Variants in CLVS1 observed in about 807,000 individuals in gnomAD.
The protein encoded by CLVS1 is clavesin 1, also known as clavesin-1.
A neutral mutation model predicts 33.1 loss-of-function variants in CLVS1; 10 were observed. The observed-to-expected ratio is 0.30, with a 90% CI of 0.19 to 0.51. The LOEUF is 0.51. Among genes scored for constraint, CLVS1 ranks in the 20% least tolerant of loss-of-function variants. The pLI is 0.97. For missense variants in CLVS1, 343 were observed against 433.4 expected (o/e 0.79, Z 1.85); for synonymous variants, 163 against 166.1 (o/e 0.98, Z 0.14).
At chr8:61,210,162 G>A (rs1021455284) in intron 2 of CLVS1, among the ~76,000 whole-genome samples, 1 of 152,228 alleles carries the variant, frequency 6.6e-6, no homozygotes, top group Non-Finnish European at 1.5e-5. Flanking sequence ...ATGTCAAGGT[G>A]ATAGTATTAA....
chr8:61,006,299 G>A, the CLVS1 span, among the ~76,000 whole-genome samples: 3 of 152,182 alleles, frequency 2.0e-5, no homozygotes, highest in Non-Finnish European at 2.9e-5. Context: ...TGGTGTGGGA[G>A]GGAGGGAGCC....
intron 2 of CLVS1, among the ~76,000 whole-genome samples, chr8:61,306,816 A>G (rs1290379563): frequency 6.6e-6 from 1 of 152,164 alleles, no homozygotes; most frequent in Non-Finnish European, 1.5e-5. Context: ...CATCTACAAG[A>G]TGTACCCTCT....
At chr8:61,340,458 C>T (rs979947629) in intron 2 of CLVS1, among the ~76,000 whole-genome samples, 1 of 152,172 alleles carries the variant, frequency 6.6e-6, no homozygotes, top group African/African-American at 2.4e-5. Context: ...TCTGTGTCTG[C>T]TTATTTCACT....
chr8:61,132,620 A>G (rs1806122260), intron 2 of CLVS1, among the ~76,000 whole-genome samples: 1 of 152,188 alleles, frequency 6.6e-6, no homozygotes, highest in Non-Finnish European at 1.5e-5. Context: ...TGTGTGGCAC[A>G]GTTCAGGGCT....
intron 2 of CLVS1, among the ~76,000 whole-genome samples, chr8:61,328,425 G>A (rs1554559250): frequency 6.6e-6 from 1 of 152,132 alleles, no homozygotes; most frequent in Non-Finnish European, 1.5e-5. Context: ...CACAGGATGG[G>A]CAGGATTTAC....
intron 2 of CLVS1, among the ~76,000 whole-genome samples, chr8:61,188,531 A>G (rs1807394099): frequency 6.6e-6 from 1 of 152,186 alleles, no homozygotes; most frequent in Non-Finnish European, 1.5e-5. Flanking sequence ...TGAAACTAGT[A>G]TTATTCTTAA....
intron 2 of CLVS1, among the ~76,000 whole-genome samples, chr8:61,157,599 C>G (rs1806675734): frequency 6.6e-6 from 1 of 151,258 alleles, no homozygotes; most frequent in Non-Finnish European, 1.5e-5. Context: ...TAAAAAGCAT[C>G]AAGAAATTGA....
intron 3 of CLVS1, among the ~76,000 whole-genome samples, chr8:61,424,571 C>G (rs573205246): frequency 6.6e-6 from 1 of 152,252 alleles, no homozygotes; most frequent in East Asian, 1.9e-4. Flanking sequence ...TCTAAATTTA[C>G]TGGTACACAA....
intron 2 of CLVS1, among the ~76,000 whole-genome samples, chr8:61,139,211 G>A (rs1038938073): frequency 6.6e-6 from 1 of 152,042 alleles, no homozygotes; most frequent in South Asian, 2.1e-4. Flanking sequence ...TGCCAGCAGA[G>A]GGCAGCATTG....
the CLVS1 span, among the ~76,000 whole-genome samples, chr8:61,013,974 A>G: frequency 6.6e-6 from 1 of 152,110 alleles, no homozygotes; most frequent in East Asian, 1.9e-4. Flanking sequence ...GTCAGTTCTG[A>G]TGACAGCAAA....
At chr8:61,483,283 A>C (rs1042744457) in intron 5 of CLVS1, among the ~76,000 whole-genome samples, 3 of 152,238 alleles carry the variant, frequency 2.0e-5, no homozygotes, top group African/African-American at 7.2e-5. Context: ...CCACAGAAAT[A>C]CAAATTACCA....
intron 2 of CLVS1, among the ~76,000 whole-genome samples, chr8:61,187,306 TAAA>T (rs1236178830): frequency 6.6e-6 from 1 of 152,134 alleles, no homozygotes; most frequent in Non-Finnish European, 1.5e-5. Flanking sequence ...CTCAAAGTAA[TAAA>T]AATTTGTTTT....
chr8:61,451,545 A>C (rs574364939), intron 3 of CLVS1, among the ~76,000 whole-genome samples: 1 of 152,300 alleles, frequency 6.6e-6, no homozygotes, highest in African/African-American at 2.4e-5. Context: ...GAACACTGAA[A>C]GACAAAGTGT....
At chr8:61,476,037 C>A (rs1586028195) in intron 5 of CLVS1, among the ~76,000 whole-genome samples, 1 of 152,304 alleles carries the variant, frequency 6.6e-6, no homozygotes, top group South Asian at 2.1e-4. Flanking sequence ...TTCCCAGCAC[C>A]ATTTATTAAA....
At chr8:61,001,950 C>T in the CLVS1 span, among the ~76,000 whole-genome samples, 1 of 152,106 alleles carries the variant, frequency 6.6e-6, no homozygotes, top group East Asian at 1.9e-4. Flanking sequence ...TCTTTTGAAC[C>T]CTCTTTAAAG....
At chr8:61,091,458 T>C (rs1805247780) in intron 1 of CLVS1, among the ~76,000 whole-genome samples, 1 of 152,200 alleles carries the variant, frequency 6.6e-6, no homozygotes, top group South Asian at 2.1e-4. Context: ...TGGGCCAGGG[T>C]CCTGACATGC....
intron 3 of CLVS1, among the ~76,000 whole-genome samples, chr8:61,396,561 C>T (rs1436926153): frequency 1.3e-5 from 2 of 152,120 alleles, no homozygotes; most frequent in Non-Finnish European, 2.9e-5. Flanking sequence ...ATGTAAGACA[C>T]TGATGTAAAG....
At chr8:61,364,823 T>C (rs904686959) in intron 2 of CLVS1, among the ~76,000 whole-genome samples, 1 of 152,206 alleles carries the variant, frequency 6.6e-6, no homozygotes, top group Non-Finnish European at 1.5e-5. Flanking sequence ...GGAGTTTTCA[T>C]TGGAGTAGGC....
rs1813280477 is a variant in CLVS1 at position 61,367,949 on chromosome 8, T to C, written c.456-8656T>C. On this transcript the variant is annotated intron_variant, in intron 2 of 5. Transcript: ENST00000325897. ...CCTGACTCCTTATTGCAGTTGCAGG[T>C]ACTTCAACAGTTTTAAAAGAAGACA... Among the ~76,000 whole-genome samples, 11 of 152,358 alleles carry C rather than the reference T, an allele frequency of 7.2e-5. No homozygotes were observed. In the South Asian group the frequency reaches 2.3e-3, roughly 32 times the overall value.
Sources: allele counts gnomAD v4.1 joint callset (sites outside exome capture counted in the v4.1 genomes callset), GRCh38; gene constraint gnomAD v4.1.1; transcripts MANE v1.5; gene names NCBI Gene and HGNC (gene_info 2026-07-23, HGNC 2026-07-21).